Variants in SYNE1 observed in about 807,000 individuals in gnomAD.
The protein encoded by SYNE1 is spectrin repeat containing nuclear envelope protein 1.
SYNE1 carries 616 observed loss-of-function variants against 1,111.0 expected under a neutral mutation model. The observed-to-expected ratio is 0.55, with a 90% CI of 0.52 to 0.59. SYNE1 has a LOEUF of 0.59. Ranked by LOEUF, SYNE1 falls within the 20% of genes least tolerant of loss-of-function variation. The pLI is 0.00. For synonymous variants in SYNE1, 3,855 were observed against 3,825.8 expected, an observed-to-expected ratio of 1.01 and a Z score of -0.28; for missense variants, 10,006 against 10,417.0, an observed-to-expected ratio of 0.96 and a Z score of 1.72.
chr6:152,365,400 A>G (rs1245366638), intron 62 of SYNE1, among the ~76,000 whole-genome samples: 1 of 152,208 alleles, frequency 6.6e-6, no homozygotes, highest in Non-Finnish European at 1.5e-5. Context: ...CCATAGAAAT[A>G]GATTATATAT....
chr6:152,532,401 G>A (rs1406191847), intron 4 of SYNE1, among the ~76,000 whole-genome samples: 1 of 152,066 alleles, frequency 6.6e-6, no homozygotes, highest in Non-Finnish European at 1.5e-5. Context: ...ATCAAAAAAA[G>A]CTACAATATT....
At chr6:152,472,168 G>A in intron 15 of SYNE1, 133 bp downstream of exon 15, 2 of 730,702 alleles carry the variant, frequency 2.7e-6, no homozygotes, top group South Asian at 3.5e-5. Context: ...CATGTCTTAT[G>A]GGAGCCCGCT....
intron 60 of SYNE1, 22 bp from the exon 61 acceptor site, chr6:152,369,149 C>G (rs1271701991): frequency 1.2e-6 from 2 of 1,610,856 alleles, no homozygotes; most frequent in Non-Finnish European, 1.7e-6. Flanking sequence ...AAGCAAGTTA[C>G]TATTCAGAGG....
chr6:152,267,982 G>T, intron 100 of SYNE1, 74 bp downstream of exon 100: 2 of 1,333,314 alleles, frequency 1.5e-6, no homozygotes, highest in Non-Finnish European at 2.2e-6. Flanking sequence ...ATAAAATTTT[G>T]AGTGAGATGT....
intron 3 of SYNE1, among the ~76,000 whole-genome samples, chr6:152,628,035 A>C (rs1313035268): frequency 3.0e-5 from 2 of 67,322 alleles, no homozygotes; most frequent in Admixed American, 1.5e-4. Flanking sequence ...TAATGCAGAC[A>C]CAAAATTACA....
chr6:152,133,722 G>A, intron 142 of SYNE1: 1 of 575,108 alleles, frequency 1.7e-6, no homozygotes, highest in Non-Finnish European at 3.1e-6. Context: ...TTTGATGCCT[G>A]GTCCACAGTA....
Position 152,208,061 on chromosome 6 carries a change from A to T in SYNE1, c.22735T>A (p.Leu7579Met), listed in dbSNP as rs1257304725. 3 of 1,613,838 alleles carry T rather than the reference A, an allele frequency of 1.9e-6. No homozygotes were observed. The highest frequency in any genetic ancestry group is 3.3e-5 in the Admixed American group (2 of 59,998). The change falls in exon 125 of 146, where the codon TTG (leucine) becomes ATG (methionine). Residue 7579 changes from leucine to methionine, a missense_variant. This residue lies in a region of SYNE1 where 2,182 missense variants were observed against 2,287.8 expected (regional missense o/e 0.95). Transcript: ENST00000367255. Reference protein sequence around the residue: ...REMAEKLRKWLVEVSYLPMSG... With the variant: ...REMAEKLRKWMVEVSYLPMSG... ...ATGGGGAGGTAGGACACTTCAACCA[A>T]CCATTTACGAAGCTTTTCTGCCATC... is the stretch of plus-strand genomic sequence containing the variant.
rs1554713775 is a variant in SYNE1 at position 152,444,551 on chromosome 6, C to A, written c.3697G>T (p.Asp1233Tyr). 1 of 1,612,728 alleles carries A rather than the reference C, an allele frequency of 6.2e-7. No homozygotes were observed. Among genetic ancestry groups the A allele is most frequent in the Non-Finnish European group, 8.5e-7 (1 of 1,179,760 alleles). ...EVEKMLSNFGDCVQYKEIVKN... is the reference protein window; with the variant it reads ...EVEKMLSNFGYCVQYKEIVKN... ...ACTATTTCTTTGTACTGGACACAGTCCCCAAAATTGCTTAGCATCTTTTCA... is the reference window on the plus strand; with the variant it reads ...ACTATTTCTTTGTACTGGACACAGTACCCAAAATTGCTTAGCATCTTTTCA... Residue 1233 changes from aspartate to tyrosine, a missense_variant, in exon 30 of 146, where the codon GAC becomes TAC. Physicochemically the swap from Asp to Tyr is radical, Grantham distance 160. This residue lies in a region of SYNE1 where 1,971 missense variants were observed against 2,084.1 expected (regional missense o/e 0.95). Coordinates refer to ENST00000367255, the MANE Select transcript of SYNE1 (RefSeq NM_182961.4).
At chr6:152,342,797 A>G (rs1440391139) in intron 74 of SYNE1, among the ~76,000 whole-genome samples, 1 of 152,210 alleles carries the variant, frequency 6.6e-6, no homozygotes, top group Non-Finnish European at 1.5e-5. Context: ...CAGCAATAAC[A>G]TTTTCAGCAT....
chr6:152,130,694 G>GT, intron 145 of SYNE1, 26 bp downstream of exon 145: 1 of 1,613,408 alleles, frequency 6.2e-7, no homozygotes, highest in South Asian at 1.1e-5. Context: ...TTCTAGAACA[G>GT]TGTGGAAACC....
chr6:152,463,280 T>A (rs1437923608), intron 19 of SYNE1, 73 bp downstream of exon 19: 1 of 1,603,020 alleles, frequency 6.2e-7, no homozygotes, highest in Non-Finnish European at 8.5e-7. Flanking sequence ...AAAATAGCAT[T>A]CTCTCTAAAC....
At chr6:152,427,962 C>A in intron 37 of SYNE1, 146 bp from the exon 38 acceptor site, 1 of 1,268,528 alleles carries the variant, frequency 7.9e-7, no homozygotes, top group Non-Finnish European at 1.1e-6. Flanking sequence ...ACAAAAATCC[C>A]TCCTTTTATT....
intron 66 of SYNE1, 124 bp from the exon 67 acceptor site, chr6:152,355,100 T>C: frequency 9.7e-7 from 1 of 1,029,968 alleles, no homozygotes; most frequent in Non-Finnish European, 1.5e-6. Flanking sequence ...ATTTTATTAT[T>C]ATGCCCTATA....
chr6:152,250,338 A>G (rs945251340), intron 104 of SYNE1, among the ~76,000 whole-genome samples: 4 of 152,154 alleles, frequency 2.6e-5, no homozygotes, highest in African/African-American at 4.8e-5. Flanking sequence ...CAGCAAAAAT[A>G]TATTTGTCAG....
intron 3 of SYNE1, among the ~76,000 whole-genome samples, chr6:152,605,073 GAAAGAAGGAAGGAAGGA>G (rs2099610917): frequency 2.0e-5 from 1 of 49,476 alleles, no homozygotes; most frequent in Non-Finnish European, 4.4e-5. Flanking sequence ...AGGGAGGGAG[GAAAGAAGGAAGGAAGGA>G]AGGAAGGAAG....
chr6:152,542,275 G>T (rs1459774682), intron 3 of SYNE1, among the ~76,000 whole-genome samples: 4 of 152,044 alleles, frequency 2.6e-5, no homozygotes, highest in African/African-American at 7.3e-5. Flanking sequence ...AATGAGTAAA[G>T]AAAATAAATA....
chr6:152,234,571 G>A (rs2083551594), intron 111 of SYNE1, 97 bp downstream of exon 111: 2 of 1,445,728 alleles, frequency 1.4e-6, no homozygotes, highest in South Asian at 2.3e-5. Flanking sequence ...GATTACAGGT[G>A]TGAGCCACCG....
intron 51 of SYNE1, 32 bp downstream of exon 51, chr6:152,395,484 G>A (rs1467248223): frequency 1.9e-6 from 3 of 1,601,356 alleles, no homozygotes; most frequent in Non-Finnish European, 2.6e-6. Context: ...CATGGTAAGA[G>A]GTAAAGGACC....
intron 6 of SYNE1, among the ~76,000 whole-genome samples, chr6:152,512,208 A>G (rs569882792): frequency 3.1e-4 from 47 of 152,322 alleles, no homozygotes; most frequent in African/African-American, 1.1e-3. Context: ...AAATCATTGT[A>G]AATGATTTGA....
Sources: allele counts gnomAD v4.1 joint callset (sites outside exome capture counted in the v4.1 genomes callset), GRCh38; gene constraint gnomAD v4.1.1; regional missense constraint gnomAD v4.1.1; transcripts MANE v1.5; gene names NCBI Gene and HGNC (gene_info 2026-07-23, HGNC 2026-07-21).